POLR1C: variants seen among roughly 807,000 people sequenced by gnomAD.
POLR1C encodes RNA polymerase I and III subunit C, also known as DNA-directed RNA polymerases I and III subunit RPAC1.
In POLR1C, 42 loss-of-function variants were observed where a neutral mutation model predicts 38.3. The observed-to-expected ratio is 1.10, with a 90% CI of 0.86 to 1.42. The LOEUF is 1.42. Ranked by LOEUF, POLR1C falls within the 40% of genes most tolerant of loss-of-function variation. The pLI is 0.00. For synonymous variants in POLR1C, 163 were observed against 163.9 expected, an observed-to-expected ratio of 0.99 and a Z score of 0.04; for missense variants, 507 against 450.5, an observed-to-expected ratio of 1.13 and a Z score of -1.14.
chr6:43,557,539 A>T (rs1035548971), intron 10 of POLR1C, among the ~76,000 whole-genome samples: 1 of 152,156 alleles, frequency 6.6e-6, no homozygotes, highest in African/African-American at 2.4e-5. Context: ...ATTTATATGA[A>T]ACGTTCAGAA....
At chr6:43,556,084 T>C in intron 10 of POLR1C, 1 of 1,353,944 alleles carries the variant, frequency 7.4e-7, no homozygotes, top group Non-Finnish European at 1.0e-6. Flanking sequence ...TTTTGCAGAC[T>C]TGTGCTTTGC....
chr6:43,553,994 T>C (rs1210630664), intron 10 of POLR1C, among the ~76,000 whole-genome samples: 1 of 152,246 alleles, frequency 6.6e-6, no homozygotes, highest in Non-Finnish European at 1.5e-5. Context: ...AATAGCCTCA[T>C]GACAGCCTTA....
Position 43,538,741 on chromosome 6 carries a change from ATAAAAT to A in POLR1C, c.*4+9383_*4+9388del, listed in dbSNP as rs1794504514. ...TTTGGTATCAAAATAAATAAGCCTC[ATAAAAT>A]GAGTTATGGAGCACTACATTTTTCT... On this transcript the variant is annotated intron_variant, in intron 9 of 10. Coordinates refer to the POLR1C transcript ENST00000607635. The A allele has an allele frequency of 7.6e-6, 4 of 528,624 alleles. No individual in the cohort carries two copies. The African/African-American group carries it at 7.9e-5, about 10-fold the overall frequency. 32.7% of individuals were successfully genotyped at this position (528,624 alleles called of 1,614,324 possible). A position where few individuals can be genotyped will look rare whatever the true frequency, so the allele number is the denominator to read the frequency against.
downstream of POLR1C, chr6:43,522,992 C>G (rs1181739662): frequency 6.0e-6 from 1 of 167,658 alleles, no homozygotes; most frequent in Non-Finnish European, 1.3e-5. Flanking sequence ...TGGACTTAGT[C>G]CTAGGAGAAG....
chr6:43,539,014 A>ATG (rs1419174934), intron 9 of POLR1C: 1 of 1,543,064 alleles, frequency 6.5e-7, no homozygotes, highest in Non-Finnish European at 8.8e-7. Flanking sequence ...CCAGGGTGGC[A>ATG]GTGCAGCCCT....
intron 10 of POLR1C, among the ~76,000 whole-genome samples, chr6:43,554,417 CTTTTCTTTTTTTTTT>C (rs1761911603): frequency 6.8e-6 from 1 of 146,512 alleles, no homozygotes; most frequent in African/African-American, 2.5e-5. Context: ...AGCCGCTTTT[CTTTTCTTTTTTTTTT>C]TTTTCTTTTT....
chr6:43,524,367 A>T (rs1428092270), downstream of POLR1C: 1 of 1,430,042 alleles, frequency 7.0e-7, no homozygotes. Flanking sequence ...AAAAAAAAAA[A>T]AAAATCTCAC....
intron 9 of POLR1C, chr6:43,539,355 G>A (rs966406523): frequency 2.4e-5 from 38 of 1,579,974 alleles, no homozygotes; most frequent in Non-Finnish European, 2.8e-5. Flanking sequence ...TGGCCAGCAC[G>A]GGTCTGCTTC....
At chr6:43,522,547 G>A (rs534334921), downstream of POLR1C, 4 of 262,022 alleles carry the variant, frequency 1.5e-5, no homozygotes, top group South Asian at 3.3e-5. Context: ...TCTTGAGATC[G>A]CCTTCACGAT....
chr6:43,537,156 T>G (rs956721972), intron 9 of POLR1C, among the ~76,000 whole-genome samples: 29 of 151,230 alleles, frequency 1.9e-4, no homozygotes, highest in Admixed American at 6.6e-4. Context: ...TTTTTTTTTT[T>G]GTAGAGAAAG....
chr6:43,521,422 A>G lies in POLR1C; in HGVS notation c.*122A>G. 6.3e-7 allele frequency: 1 copy of G among 1,575,718 alleles called. No homozygotes were observed. Among genetic ancestry groups the G allele is most frequent in the Non-Finnish European group, 8.6e-7 (1 of 1,162,388 alleles). On this transcript the variant is annotated 3_prime_UTR_variant, in exon 9 of 9. Transcript: ENST00000642195. ...AGTTTTCTGGGACAATTCCAGCTTT[A>G]ATCAATACATTTTGTTAAATGTGCC...
At chr6:43,528,548 G>A (rs1046907937) in intron 8 of POLR1C, among the ~76,000 whole-genome samples, 2 of 152,106 alleles carry the variant, frequency 1.3e-5, no homozygotes, top group African/African-American at 4.8e-5. Context: ...TCCTGGCAAG[G>A]GTCTGTGAGC....
At position 43,520,357 on chromosome 6, in the gene POLR1C, T is replaced by G; in HGVS notation, c.585T>G (p.Asp195Glu). The G allele has an allele frequency of 6.2e-7, 1 of 1,613,728 alleles. No individual in the cohort carries two copies. Among genetic ancestry groups the G allele is most frequent in the Non-Finnish European group, 8.5e-7 (1 of 1,179,958 alleles). ...FPEGTIRPVH[D>E]DILIAQLRPG... ...AGGGCACTATCCGACCAGTGCATGA[T>G]GATATCCTCATCGCTCAGCTGCGGC... is the stretch of plus-strand genomic sequence containing the variant. The change falls in exon 6 of 9, where the codon GAT (aspartate) becomes GAG (glutamate). Residue 195 changes from aspartate (D) to glutamate (E), a missense_variant. Asp to Glu is a conservative substitution (Grantham distance 45). Coordinates refer to ENST00000642195, the MANE Select transcript of POLR1C (RefSeq NM_203290.4).
downstream of POLR1C, chr6:43,526,263 G>C (rs1469649475): frequency 2.7e-6 from 1 of 366,748 alleles, no homozygotes; most frequent in African/African-American, 2.0e-5. Context: ...CTTCCCTGAT[G>C]GGAGTTTACA....
At position 43,521,174 on chromosome 6, in the gene POLR1C, G is replaced by A. The variant is rs769188761; in HGVS notation, c.923-8G>A. On this transcript the variant is annotated splice_polypyrimidine_tract_variant and splice_region_variant and intron_variant, in intron 8 of 8. Transcript: ENST00000642195. ...CTGCCTAGACTAAAGTGTCTCTTTG[G>A]TCCCCAGTCTCTGTTGAGTCAACGG... is the stretch of plus-strand genomic sequence containing the variant. The A allele has an allele frequency of 6.2e-7, 1 of 1,613,998 alleles. No homozygotes were observed. The highest frequency in any genetic ancestry group is 8.5e-7 in the Non-Finnish European group (1 of 1,179,846).
In POLR1C at chr6:43,520,107, C is replaced by T. The variant is rs1324263943; in HGVS notation, c.424C>T (p.Leu142Phe). The T allele has an allele frequency of 2.5e-6, 4 of 1,614,094 alleles. No homozygotes were observed. The African/African-American group carries it at 5.3e-5, about 22-fold the overall frequency. ...GTEIDTLQFR[L>F]QVRCTRNPHA... The stretch of plus-strand genomic sequence containing the variant: ...AGAGATAGATACTCTACAGTTTCGT[C>T]TCCAGGTCAGATGCACTCGGAACCC... Residue 142 changes from leucine to phenylalanine, a missense_variant, in exon 5 of 9, where the codon CTC (leucine) becomes TTC (phenylalanine). Leu to Phe is a conservative substitution (Grantham distance 22). Transcript: ENST00000642195.
At chr6:43,536,740 A>G (rs1305934556) in intron 9 of POLR1C, among the ~76,000 whole-genome samples, 1 of 129,628 alleles carries the variant, frequency 7.7e-6, no homozygotes. Flanking sequence ...AGCCTGGACG[A>G]CAGAGTGAGA....
chr6:43,546,482 A>AAG, intron 9 of POLR1C: 1 of 1,290,122 alleles, frequency 7.8e-7, no homozygotes, highest in Non-Finnish European at 1.0e-6. Flanking sequence ...TAATACCACT[A>AAG]AGATATGAAG....
At chr6:43,523,616 T>A, downstream of POLR1C, 1 of 724,054 alleles carries the variant, frequency 1.4e-6, no homozygotes, top group Non-Finnish European at 2.5e-6. Context: ...AAGCCAAATC[T>A]CCAAGTAGAA....
Sources: gnomAD v4.1 joint callset for allele counts (sites outside exome capture counted in the v4.1 genomes callset) on GRCh38, gnomAD v4.1.1 for gene constraint, MANE v1.5 for transcripts, NCBI Gene and HGNC (gene_info 2026-07-23, HGNC 2026-07-21) for gene names.